The following IGSF3 variants were observed in gnomAD, a reference collection of about 807,000 sequenced individuals.
IGSF3 encodes the protein immunoglobulin superfamily member 3.
IGSF3 carries 23 observed loss-of-function variants against 114.4 expected under a neutral mutation model. The ratio of observed to expected loss-of-function variants is 0.20; its 90% CI spans 0.14 to 0.28. The LOEUF is 0.28. Ranked by LOEUF, IGSF3 falls within the 10% of genes least tolerant of loss-of-function variation. IGSF3 has a pLI of 1.00. For missense variants in IGSF3, 1,172 were observed against 1,591.5 expected, an observed-to-expected ratio of 0.74 and a Z score of 4.48; for synonymous variants, 571 against 645.2, an observed-to-expected ratio of 0.88 and a Z score of 1.74.
chr1:116,644,605 C>T lies in IGSF3; in HGVS notation c.43+21679G>A, dbSNP rs1212027698. Among the ~76,000 whole-genome samples, 2 of 152,196 alleles carry T rather than the reference C, an allele frequency of 1.3e-5. No individual in the cohort carries two copies. The highest frequency in any genetic ancestry group is 1.9e-4 in the East Asian group (1 of 5,198). ...GTCCATGGGCTGCAAGTGGGTCCCACGTCACCCACAGGTGAATCTTAATTA... is the reference window on the plus strand; with the variant it reads ...GTCCATGGGCTGCAAGTGGGTCCCATGTCACCCACAGGTGAATCTTAATTA... On this transcript the variant is annotated intron_variant, in intron 2 of 10. Coordinates refer to ENST00000369486, the MANE Select transcript of IGSF3 (RefSeq NM_001007237.3). This position sits in a 1 kb window ranked among gnomAD's most constrained non-coding sequence, Gnocchi z 5.6.
chr1:116,656,167 T>C (rs1332839165), intron 2 of IGSF3, among the ~76,000 whole-genome samples: 4 of 152,122 alleles, frequency 2.6e-5, no homozygotes, highest in Admixed American at 2.0e-4. Flanking sequence ...AGAAAAAATA[T>C]ATTTGTGTAA....
rs1036593398 is a variant in IGSF3 at position 116,607,194 on chromosome 1, G to C, written c.1222+748C>G. Reference sequence around the variant, plus strand: ...CTTTACTAAAAACAGAACTATGGGAGAATGAGATTAATAAGAATATCTTGA... The same window carrying C: ...CTTTACTAAAAACAGAACTATGGGACAATGAGATTAATAAGAATATCTTGA... On this transcript the variant is annotated intron_variant, in intron 5 of 10. Coordinates refer to ENST00000369486, the MANE Select transcript of IGSF3 (RefSeq NM_001007237.3). The surrounding 1 kb of genome is among the most constrained non-coding windows in gnomAD (Gnocchi z 6.1). Among the ~76,000 whole-genome samples the C allele has an allele frequency of 2.6e-5, 4 of 152,134 alleles. No homozygotes were observed. The highest frequency in any genetic ancestry group is 5.9e-5 in the Non-Finnish European group (4 of 68,030).
chr1:116,645,311 T>C (rs1166058346), intron 2 of IGSF3, among the ~76,000 whole-genome samples: 1 of 152,128 alleles, frequency 6.6e-6, no homozygotes, highest in East Asian at 1.9e-4. Context: ...TGCAAAACTG[T>C]AGTGGCAGGA....
At position 116,624,701 on chromosome 1, in the gene IGSF3, G is replaced by A. The variant is rs1449038356; in HGVS notation, c.44-8244C>T. 6.6e-6 allele frequency among the ~76,000 whole-genome samples: 1 copy of A among 152,122 alleles called. No individual in the cohort carries two copies. The highest frequency in any genetic ancestry group is 1.9e-4 in the East Asian group (1 of 5,186). On this transcript the variant is annotated intron_variant, in intron 2 of 10. Transcript: ENST00000369486. The surrounding 1 kb of genome is among the most constrained non-coding windows in gnomAD (Gnocchi z 4.9). ...AATAATTCCCTTCTCTGTGTATCTGGGCAGGAAGTCACTGTGTGGCTTCCA... is the reference window on the plus strand; with the variant it reads ...AATAATTCCCTTCTCTGTGTATCTGAGCAGGAAGTCACTGTGTGGCTTCCA...
rs1383047983 is a variant in IGSF3, at chr1:116,633,689, A to C, written c.44-17232T>G. ...TCTTCTCCCTTCCTTCTTGTCTACTAAACTCTCTGTGCCTTAGAACCAAAA... is the reference window on the plus strand; with the variant it reads ...TCTTCTCCCTTCCTTCTTGTCTACTCAACTCTCTGTGCCTTAGAACCAAAA... On this transcript the variant is annotated intron_variant, in intron 2 of 10. Coordinates refer to ENST00000369486, the MANE Select transcript of IGSF3 (RefSeq NM_001007237.3). This position sits in a 1 kb window ranked among gnomAD's most constrained non-coding sequence, Gnocchi z 4.3. 6.6e-6 allele frequency among the ~76,000 whole-genome samples: 1 copy of C among 152,214 alleles called. No individual in the cohort carries two copies. Among genetic ancestry groups the C allele is most frequent in the Admixed American group, 6.5e-5 (1 of 15,284 alleles).
Position 116,588,992 on chromosome 1 carries a change from C to T in IGSF3, c.2142G>A (p.Ala714=), listed in dbSNP as rs374512174. Residue 714 remains alanine (A), a synonymous_variant, in exon 8 of 11, where the codon GCG becomes GCA. Transcript: ENST00000369486. The surrounding 1 kb of genome is among the most constrained non-coding windows in gnomAD (Gnocchi z 4.9). ...KSQTSQNSHF[A]VLWYVHKPSD... is the part of the protein sequence containing the mutation. ...AGGGCTTGTGGACATACCAGAGCAC[C>T]GCAAAGTGGGAGTTCTGGCTAGTCT... 5.4e-5 allele frequency: 87 copies of T among 1,614,070 alleles called. No homozygotes were observed. The South Asian group carries it at 6.3e-4, about 12-fold the overall frequency.
At position 116,615,939 on chromosome 1, in the gene IGSF3, T is replaced by C; in HGVS notation, c.421+141A>G. 1.7e-6 allele frequency: 1 copy of C among 605,762 alleles called. No individual in the cohort carries two copies. Among genetic ancestry groups the C allele is most frequent in the Non-Finnish European group, 2.9e-6 (1 of 339,466 alleles). The allele number at this position is 605,762 out of a possible 1,614,324, so 37.5% of individuals were successfully genotyped here. A position where few individuals can be genotyped will look rare whatever the true frequency, so the allele number is the denominator to read the frequency against. On this transcript the variant is annotated intron_variant, in intron 3 of 10. Coordinates refer to ENST00000369486, the MANE Select transcript of IGSF3 (RefSeq NM_001007237.3). This position sits in a 1 kb window ranked among gnomAD's most constrained non-coding sequence, Gnocchi z 4.3. ...AGTGAACACAGAAATTTAGTTTCCT[T>C]GTGCTATCTGTTGACCCCTAAAATA...
At position 116,616,466 on chromosome 1, in the gene IGSF3, G is replaced by A; in HGVS notation, c.44-9C>T. 6.3e-7 allele frequency: 1 copy of A among 1,581,708 alleles called. No individual in the cohort carries two copies. The highest frequency in any genetic ancestry group is 8.6e-7 in the Non-Finnish European group (1 of 1,158,632). On this transcript the variant is annotated splice_polypyrimidine_tract_variant and intron_variant, in intron 2 of 10. Transcript: ENST00000369486. The surrounding 1 kb of genome is among the most constrained non-coding windows in gnomAD (Gnocchi z 6.6). ...CTGTGCTGACACCACACCTACGAGG[G>A]AGAGAAACACACACAACATGCTTAC...
In IGSF3 at chr1:116,613,747, A is replaced by T. The variant is rs370350237; in HGVS notation, c.832+18T>A. The T allele has an allele frequency of 3.1e-6, 5 of 1,606,364 alleles. No homozygotes were observed. The African/African-American group carries it at 5.3e-5, about 17-fold the overall frequency. ...ACCACCAAGTAAAGGACAGGACAAGAGGCTCAGAGGGACTGACCAGTTGGC... is the reference window on the plus strand; with the variant it reads ...ACCACCAAGTAAAGGACAGGACAAGTGGCTCAGAGGGACTGACCAGTTGGC... On this transcript the variant is annotated intron_variant, in intron 4 of 10. Coordinates refer to ENST00000369486, the MANE Select transcript of IGSF3 (RefSeq NM_001007237.3).
chr1:116,654,837 A>G lies in IGSF3; in HGVS notation c.43+11447T>C, dbSNP rs1648781634. On this transcript the variant is annotated intron_variant, in intron 2 of 10. Coordinates refer to ENST00000369486, the MANE Select transcript of IGSF3 (RefSeq NM_001007237.3). The surrounding 1 kb of genome is among the most constrained non-coding windows in gnomAD (Gnocchi z 4.4). ...GACTTGGGATATTTGTGTATTTTCA[A>G]GAATAAAAGTTTGCCCTTTAGCCTC... Among the ~76,000 whole-genome samples the G allele has an allele frequency of 6.6e-6, 1 of 152,154 alleles. No homozygotes were observed. The highest frequency in any genetic ancestry group is 2.1e-4 in the South Asian group (1 of 4,830).
rs547990240 is a variant in IGSF3, at chr1:116,629,337, A to T, written c.44-12880T>A. Among the ~76,000 whole-genome samples, 5 of 152,376 alleles carry T rather than the reference A, an allele frequency of 3.3e-5. No homozygotes were observed. In the East Asian group the frequency reaches 9.6e-4, roughly 29 times the overall value. Reference sequence around the variant, plus strand: ...TGTGGAAAAAGGACTGGGCTAGTATATTTAAAAAACGCTAAAGGGAGGTGG... The same window carrying T: ...TGTGGAAAAAGGACTGGGCTAGTATTTTTAAAAAACGCTAAAGGGAGGTGG... On this transcript the variant is annotated intron_variant, in intron 2 of 10. Transcript: ENST00000369486. The surrounding 1 kb of genome is among the most constrained non-coding windows in gnomAD (Gnocchi z 4.3).
In IGSF3 at chr1:116,654,809, C is replaced by T. The variant is rs1648780750; in HGVS notation, c.43+11475G>A. Among the ~76,000 whole-genome samples the T allele has an allele frequency of 6.6e-6, 1 of 152,162 alleles. No homozygotes were observed. The highest frequency in any genetic ancestry group is 1.5e-5 in the Non-Finnish European group (1 of 68,036). On this transcript the variant is annotated intron_variant, in intron 2 of 10. Coordinates refer to ENST00000369486, the MANE Select transcript of IGSF3 (RefSeq NM_001007237.3). This position sits in a 1 kb window ranked among gnomAD's most constrained non-coding sequence, Gnocchi z 4.4. ...CAGTAATAAGGACGTTCCACACACC[C>T]AGGACTTGGGATATTTGTGTATTTT...
At position 116,624,494 on chromosome 1, in the gene IGSF3, T is replaced by C. The variant is rs1661516044; in HGVS notation, c.44-8037A>G. Among the ~76,000 whole-genome samples the C allele has an allele frequency of 6.6e-6, 1 of 152,182 alleles. No individual in the cohort carries two copies. Among genetic ancestry groups the C allele is most frequent in the African/African-American group, 2.4e-5 (1 of 41,440 alleles). ...TGGCACACAATAAGTGCTCAATAAA[T>C]GTTTAGCCACTAGTTGCAGTAGTAG... On this transcript the variant is annotated intron_variant, in intron 2 of 10. Transcript: ENST00000369486. This position sits in a 1 kb window ranked among gnomAD's most constrained non-coding sequence, Gnocchi z 4.9.
Position 116,666,858 on chromosome 1 carries a change from T to C in IGSF3, c.-532A>G, listed in dbSNP as rs569842155. On this transcript the variant is annotated 5_prime_UTR_variant, in exon 2 of 11. Transcript: ENST00000369486. ...AAAAGTCCGTTTCCATCCATGGTGG[T>C]AGGTCACGGAGGCGCCACCTGCCCC... is the stretch of plus-strand genomic sequence containing the variant. 5 of 406,296 alleles carry C rather than the reference T, an allele frequency of 1.2e-5. No homozygotes were observed. In the East Asian group the frequency reaches 1.4e-4, roughly 12 times the overall value. 25.2% of individuals were successfully genotyped at this position (406,296 alleles called of 1,614,324 possible).
Position 116,657,862 on chromosome 1 carries a change from G to T in IGSF3, c.43+8422C>A, listed in dbSNP as rs1455813690. Among the ~76,000 whole-genome samples the T allele has an allele frequency of 1.3e-5, 2 of 152,032 alleles. No homozygotes were observed. Among genetic ancestry groups the T allele is most frequent in the African/African-American group, 2.4e-5 (1 of 41,384 alleles). On this transcript the variant is annotated intron_variant, in intron 2 of 10. Transcript: ENST00000369486. This position sits in a 1 kb window ranked among gnomAD's most constrained non-coding sequence, Gnocchi z 4.2. ...ATAGCACCAACTTAAGGCAAGCCTG[G>T]GCAAACTGCACTACATCAAAGAAAG... is the stretch of plus-strand genomic sequence containing the variant.
chr1:116,622,104 G>A (rs1661440399), intron 2 of IGSF3, among the ~76,000 whole-genome samples: 1 of 152,188 alleles, frequency 6.6e-6, no homozygotes, highest in Non-Finnish European at 1.5e-5. Flanking sequence ...GCATGTGAAA[G>A]TGTCAGAGGG....
chr1:116,630,979 A>T (rs924847394), intron 2 of IGSF3, among the ~76,000 whole-genome samples: 5 of 152,146 alleles, frequency 3.3e-5, no homozygotes, highest in African/African-American at 1.2e-4. Context: ...AAGAGGAAGC[A>T]GCAGACAGGG....
rs1660205563 is a variant in IGSF3 at position 116,593,399 on chromosome 1, C to T, written c.2030-4295G>A. 6.6e-6 allele frequency among the ~76,000 whole-genome samples: 1 copy of T among 152,186 alleles called. No homozygotes were observed. The highest frequency in any genetic ancestry group is 1.5e-5 in the Non-Finnish European group (1 of 68,026). On this transcript the variant is annotated intron_variant, in intron 7 of 10. Coordinates refer to ENST00000369486, the MANE Select transcript of IGSF3 (RefSeq NM_001007237.3). The surrounding 1 kb of genome is among the most constrained non-coding windows in gnomAD (Gnocchi z 4.5). ...AGAGATGGGCACTGAGGGAGGAAGA[C>T]ACTGCTCTTTATTAAAGACAACAGA...
rs141747938 is a variant in IGSF3 at position 116,579,797 on chromosome 1, C to T, written c.2929G>A (p.Val977Met). Reference protein sequence around the residue: ...KAAFQLDCSIVSRSSQDSRFA... With the variant: ...KAAFQLDCSIMSRSSQDSRFA... Reference sequence around the variant, plus strand: ...CGGGAGTCCTGGCTGGAGCGGGACACGATGCTACAGTCCAGCTGGAAAGCT... The same window carrying T: ...CGGGAGTCCTGGCTGGAGCGGGACATGATGCTACAGTCCAGCTGGAAAGCT... The change falls in exon 10 of 11, where the codon GTG becomes ATG. Residue 977 changes from valine to methionine, a missense_variant. Coordinates refer to ENST00000369486, the MANE Select transcript of IGSF3 (RefSeq NM_001007237.3). The surrounding 1 kb of genome is among the most constrained non-coding windows in gnomAD (Gnocchi z 6.4). 3.3e-5 allele frequency: 54 copies of T among 1,613,886 alleles called. No homozygotes were observed. Among genetic ancestry groups the T allele is most frequent in the Middle Eastern group, 1.6e-4 (1 of 6,084 alleles).
Sources: allele counts gnomAD v4.1 joint callset (sites outside exome capture counted in the v4.1 genomes callset), GRCh38; gene constraint gnomAD v4.1.1; non-coding constraint Gnocchi (gnomAD v3.1); transcripts MANE v1.5; gene names NCBI Gene and HGNC (gene_info 2026-07-23, HGNC 2026-07-21).